Variants in ASIC3 observed in about 807,000 individuals in gnomAD.
The protein encoded by ASIC3 is acid sensing ion channel subunit 3, also known as acid-sensing ion channel 3.
A neutral mutation model predicts 58.6 loss-of-function variants in ASIC3; 46 were observed. The observed-to-expected ratio is 0.79, with a 90% CI of 0.62 to 1.00. The LOEUF (loss-of-function observed/expected upper bound fraction) is 1.00. Among genes scored for constraint, ASIC3 ranks in the 50% least tolerant of loss-of-function variants. The pLI is 0.00. For missense variants in ASIC3, 770 were observed against 735.0 expected (o/e 1.05, Z -0.55); for synonymous variants, 336 against 300.2 (o/e 1.12, Z -1.23).
chr7:151,048,891 G>A lies in ASIC3; in HGVS notation c.6G>A (p.Lys2=). Residue 2 remains lysine, a synonymous_variant, in exon 1 of 11, where the codon AAG becomes AAA. Coordinates refer to ENST00000349064, the MANE Select transcript of ASIC3 (RefSeq NM_004769.4). M[K]PTSGPEEARR... ...TCCGCTCCTGGGTTCTGGCCATGAA[G>A]CCCACCTCAGGCCCAGAGGAGGCCC... is the stretch of plus-strand genomic sequence containing the variant. 9 of 1,545,788 alleles carry A rather than the reference G, an allele frequency of 5.8e-6. No homozygotes were observed. Among genetic ancestry groups the A allele is most frequent in the Non-Finnish European group, 7.9e-6 (9 of 1,143,566 alleles).
chr7:151,050,702 C>T (rs1796749536), intron 3 of ASIC3, 56 bp from the exon 4 acceptor site: 55 of 1,604,928 alleles, frequency 3.4e-5, no homozygotes, highest in Non-Finnish European at 4.7e-5. Context: ...AGGGGCCTCT[C>T]CCCAGCTGGC....
intron 6 of ASIC3, 40 bp from the exon 7 acceptor site, chr7:151,051,770 G>C: frequency 6.3e-7 from 1 of 1,599,186 alleles, no homozygotes; most frequent in African/African-American, 1.3e-5. Context: ...TGGGCACCAG[G>C]CGGTGGCCAG....
Position 151,052,196 on chromosome 7 carries a change from T to C in ASIC3, c.1417T>C (p.Trp473Arg). The C allele has an allele frequency of 6.2e-7, 1 of 1,614,036 alleles. No homozygotes were observed. The highest frequency in any genetic ancestry group is 8.5e-7 in the Non-Finnish European group (1 of 1,179,978). Residue 473 changes from tryptophan (W) to arginine (R), a missense_variant, in exon 9 of 11, where the codon TGG becomes CGG. Physicochemically the swap from Trp to Arg is moderately radical, Grantham distance 101. Transcript: ENST00000349064. This position sits in a 1 kb window ranked among gnomAD's most constrained non-coding sequence, Gnocchi z 5.0. Reference protein sequence around the residue: ...VFRDKVLGYFWNRQHSQRHSS... With the variant: ...VFRDKVLGYFRNRQHSQRHSS... ...CCGAGACAAGGTCCTGGGATATTTC[T>C]GGAACCGACAGCACTCCCAAAGGCA...
intron 1 of ASIC3, among the ~76,000 whole-genome samples, chr7:151,049,721 G>A (rs1796721681): frequency 6.6e-6 from 1 of 152,196 alleles, no homozygotes; most frequent in African/African-American, 2.4e-5. Flanking sequence ...GTCCTCCATG[G>A]TGGGACCATT....
intron 1 of ASIC3, 26 bp from the exon 2 acceptor site, chr7:151,050,080 G>A (rs1390583484): frequency 1.2e-6 from 2 of 1,613,542 alleles, no homozygotes; most frequent in Non-Finnish European, 8.5e-7. Context: ...GGGGGAGATG[G>A]CCATCACCCT....
chr7:151,052,171 C>T lies in ASIC3; in HGVS notation c.1392C>T (p.Phe464=). 1.2e-6 allele frequency: 2 copies of T among 1,614,016 alleles called. No homozygotes were observed. The highest frequency in any genetic ancestry group is 1.7e-6 in the Non-Finnish European group (2 of 1,179,972). Residue 464 remains phenylalanine, a synonymous_variant, in exon 9 of 11, where the codon TTC becomes TTT. Transcript: ENST00000349064. This position sits in a 1 kb window ranked among gnomAD's most constrained non-coding sequence, Gnocchi z 5.0. ...CCCATCCTGCTTGCCTCCAGGTGTT[C>T]CGAGACAAGGTCCTGGGATATTTCT... ...LEILDYLCEV[F]RDKVLGYFWN... is the part of the protein sequence containing the mutation.
At position 151,048,665 on chromosome 7, in the gene ASIC3, G is replaced by A; in HGVS notation, c.-221G>A. 1.8e-6 allele frequency: 1 copy of A among 563,448 alleles called. No homozygotes were observed. The highest frequency in any genetic ancestry group is 3.1e-6 in the Non-Finnish European group (1 of 324,030). The allele number at this position is 563,448 out of a possible 1,614,324, so 34.9% of individuals were successfully genotyped here. On this transcript the variant is annotated 5_prime_UTR_variant, in exon 1 of 11. Transcript: ENST00000349064. The stretch of plus-strand genomic sequence containing the variant: ...GCCTAGCCCAGTGGAGCCACCGCCT[G>A]TTCCTCGGGAAGGAACAGTGGGACC...
At position 151,050,153 on chromosome 7, in the gene ASIC3, T is replaced by C. The variant is rs773411552; in HGVS notation, c.582T>C (p.Asp194=). The part of the protein sequence containing the change: ...GKCYTFNSGA[D]GAELLTTTRG... ...GCTACACATTTAACTCTGGCGCTGA[T>C]GGGGCAGAGCTGCTCACCACTACTA... The change falls in exon 2 of 11, where the codon GAT becomes GAC. Residue 194 remains aspartate, a synonymous_variant. Coordinates refer to ENST00000349064, the MANE Select transcript of ASIC3 (RefSeq NM_004769.4). 1.2e-6 allele frequency: 2 copies of C among 1,613,992 alleles called. No individual in the cohort carries two copies. Among genetic ancestry groups the C allele is most frequent in the East Asian group, 2.2e-5 (1 of 44,892 alleles).
Position 151,051,315 on chromosome 7 carries a change from A to C in ASIC3, c.1210A>C (p.Ile404Leu). Residue 404 changes from isoleucine (I) to leucine (L), a missense_variant, in exon 6 of 11, where the codon ATC becomes CTC. Transcript: ENST00000349064. ...GAAGCTCAACCGCAGCGAGGCCTAC[A>C]TCGCGTGAGCTGCGCGGGGCGGGCG... ...ARKLNRSEAY[I>L]AENVLALDIF... 1 of 1,508,130 alleles carries C rather than the reference A, an allele frequency of 6.6e-7. No homozygotes were observed. The highest frequency in any genetic ancestry group is 8.8e-7 in the Non-Finnish European group (1 of 1,137,980). 93.4% of individuals were successfully genotyped at this position (1,508,130 alleles called of 1,614,324 possible). A position where few individuals can be genotyped will look rare whatever the true frequency, so the allele number is the denominator to read the frequency against.
At position 151,052,716 on chromosome 7, in the gene ASIC3, C is replaced by T; in HGVS notation, c.*64C>T. The T allele has an allele frequency of 6.2e-7, 1 of 1,614,114 alleles. No homozygotes were observed. The highest frequency in any genetic ancestry group is 8.5e-7 in the Non-Finnish European group (1 of 1,179,960). ...CTGGACATGCCTAGCCTGCACGTAG[C>T]TTTTCCGTCTTCACCCCAAATAAAG... On this transcript the variant is annotated 3_prime_UTR_variant, in exon 11 of 11. Coordinates refer to ENST00000349064, the MANE Select transcript of ASIC3 (RefSeq NM_004769.4). The surrounding 1 kb of genome is among the most constrained non-coding windows in gnomAD (Gnocchi z 5.0).
rs747413498 is a variant in ASIC3 at position 151,049,199 on chromosome 7, A to G, written c.314A>G (p.Asn105Ser). Residue 105 changes from asparagine (N) to serine (S), a missense_variant, in exon 1 of 11, where the codon AAC (asparagine) becomes AGC (serine). By Grantham distance (46) the Asn-to-Ser change is conservative (BLOSUM62 1). Transcript: ENST00000349064. ...NPLRRSRLTP[N>S]DLHWAGSALL... ...CTGCGCCGCTCGCGCCTAACGCCCA[A>G]CGACCTGCACTGGGCTGGGTCTGCG... The G allele has an allele frequency of 1.9e-6, 3 of 1,613,356 alleles. No individual in the cohort carries two copies. The South Asian group carries it at 3.3e-5, about 18-fold the overall frequency.
chr7:151,052,075 C>G lies in ASIC3; in HGVS notation c.1386+13C>G, dbSNP rs775852854. 4 of 1,613,798 alleles carry G rather than the reference C, an allele frequency of 2.5e-6. No individual in the cohort carries two copies. Among genetic ancestry groups the G allele is most frequent in the Middle Eastern group, 3.3e-4 (2 of 6,062 alleles). On this transcript the variant is annotated intron_variant, in intron 8 of 10. Transcript: ENST00000349064. This position sits in a 1 kb window ranked among gnomAD's most constrained non-coding sequence, Gnocchi z 5.0. ...CTACCTCTGTGAGGTGGGCCAGGGC[C>G]CCCACTGCAGGGGGTGGGAGGTGGG...
Position 151,050,106 on chromosome 7 carries a change from A to G in ASIC3, c.535A>G (p.Ile179Val). The change falls in exon 2 of 11, where the codon ATC becomes GTC. Residue 179 changes from isoleucine to valine, a missense_variant and splice_region_variant. By Grantham distance (29) the Ile-to-Val change is conservative. Transcript: ENST00000349064. ...CCATCACCCTGTCTGCCCGCCCCAG[A>G]TCTTCACCCGGATGGGAAAGTGCTA... Reference protein sequence around the residue: ...QPCGPENFTTIFTRMGKCYTF... With the variant: ...QPCGPENFTTVFTRMGKCYTF... The G allele has an allele frequency of 6.2e-7, 1 of 1,614,094 alleles. No homozygotes were observed. The highest frequency in any genetic ancestry group is 8.5e-7 in the Non-Finnish European group (1 of 1,180,008).
At position 151,049,320 on chromosome 7, in the gene ASIC3, C is replaced by T. The variant is rs1796708267; in HGVS notation, c.435C>T (p.Asp145=). The T allele has an allele frequency of 6.2e-7, 1 of 1,613,176 alleles. No homozygotes were observed. The highest frequency in any genetic ancestry group is 8.5e-7 in the Non-Finnish European group (1 of 1,179,970). The change falls in exon 1 of 11, where the codon GAC becomes GAT. Residue 145 remains aspartate, a synonymous_variant. Coordinates refer to ENST00000349064, the MANE Select transcript of ASIC3 (RefSeq NM_004769.4). ...PPGFMPSPTF[D]MAQLYARAGH... The stretch of plus-strand genomic sequence containing the variant: ...GCTTCATGCCCAGTCCCACCTTTGA[C>T]ATGGCGCAACTCTATGCCCGTGCTG...
At position 151,051,940 on chromosome 7, in the gene ASIC3, C is replaced by G. The variant is rs1447413922; in HGVS notation, c.1306+39C>G. 37 of 1,612,916 alleles carry G rather than the reference C, an allele frequency of 2.3e-5. No individual in the cohort carries two copies. In the East Asian group the frequency reaches 8.3e-4, roughly 36 times the overall value. ...GCCCCCAGGGCTGGGGGGGTGTGGG[C>G]AGGCAGGTGGCTGTAAGTTGAAGGG... On this transcript the variant is annotated intron_variant, in intron 7 of 10. Coordinates refer to ENST00000349064, the MANE Select transcript of ASIC3 (RefSeq NM_004769.4).
At position 151,050,102 on chromosome 7, in the gene ASIC3, C is replaced by G; in HGVS notation, c.535-4C>G. 6.2e-7 allele frequency: 1 copy of G among 1,614,032 alleles called. No individual in the cohort carries two copies. Among genetic ancestry groups the G allele is most frequent in the Non-Finnish European group, 8.5e-7 (1 of 1,179,986 alleles). On this transcript the variant is annotated splice_region_variant and splice_polypyrimidine_tract_variant and intron_variant, in intron 1 of 10. Transcript: ENST00000349064. Reference sequence around the variant, plus strand: ...ATGGCCATCACCCTGTCTGCCCGCCCCAGATCTTCACCCGGATGGGAAAGT... The same window carrying G: ...ATGGCCATCACCCTGTCTGCCCGCCGCAGATCTTCACCCGGATGGGAAAGT...
At position 151,051,383 on chromosome 7, in the gene ASIC3, A is replaced by G. The variant is rs540130534; in HGVS notation, c.1214+64A>G. On this transcript the variant is annotated intron_variant, in intron 6 of 10. Transcript: ENST00000349064. ...GGCTCCCGACGGGGCGGAACGGGGC[A>G]GGCCAGGCCGTAGCCCTAGTGCGCA... is the stretch of plus-strand genomic sequence containing the variant. The G allele has an allele frequency of 1.9e-4, 268 of 1,412,428 alleles. 8 individuals carry two copies. The South Asian group carries it at 4.0e-3, about 21-fold the overall frequency. 87.5% of individuals were successfully genotyped at this position (1,412,428 alleles called of 1,614,324 possible).
Position 151,051,213 on chromosome 7 carries a change from TGC to T in ASIC3, c.1111_1112del (p.Ala371GlnfsTer45). The T allele has an allele frequency of 1.3e-6, 2 of 1,583,466 alleles. No homozygotes were observed. The highest frequency in any genetic ancestry group is 1.7e-6 in the Non-Finnish European group (2 of 1,171,568). On this transcript the variant is annotated frameshift_variant, in exon 6 of 11. Transcript: ENST00000349064. LOFTEE classifies it high-confidence loss of function. ...RKDSCACPNP[C>X]ASTRYAKELS... ...GGACTCGTGCGCCTGCCCCAACCCG[TGC>T]GCCAGCACGCGCTACGCCAAGGAGC...
chr7:151,051,186 A>C lies in ASIC3; in HGVS notation c.1081A>C (p.Lys361Gln), dbSNP rs778069551. The C allele has an allele frequency of 1.9e-5, 30 of 1,592,868 alleles. No homozygotes were observed. The highest frequency in any genetic ancestry group is 2.4e-5 in the Non-Finnish European group (28 of 1,174,854). Reference sequence around the variant, plus strand: ...GTGGCCCGCAGATGCCATGCTTCGCAAGGACTCGTGCGCCTGCCCCAACCC... The same window carrying C: ...GTGGCCCGCAGATGCCATGCTTCGCCAGGACTCGTGCGCCTGCCCCAACCC... ...AHPAIDAMLR[K>Q]DSCACPNPCA... The change falls in exon 6 of 11, where the codon AAG becomes CAG. Residue 361 changes from lysine (K) to glutamine (Q), a missense_variant. Coordinates refer to ENST00000349064, the MANE Select transcript of ASIC3 (RefSeq NM_004769.4).
Sources: gnomAD v4.1 joint callset for allele counts (sites outside exome capture counted in the v4.1 genomes callset) on GRCh38, gnomAD v4.1.1 for gene constraint, Gnocchi (gnomAD v3.1) non-coding constraint, MANE v1.5 for transcripts, NCBI Gene and HGNC (gene_info 2026-07-23, HGNC 2026-07-21) for gene names.